SLC25A13: variants seen among roughly 807,000 people sequenced by gnomAD.
SLC25A13 encodes solute carrier family 25 member 13.
A neutral mutation model predicts 85.5 loss-of-function variants in SLC25A13; 70 were observed. The observed-to-expected ratio is 0.82, with a 90% CI of 0.68 to 1.00. The LOEUF (loss-of-function observed/expected upper bound fraction) is 1.00, where lower values mean the gene tolerates loss of function less well. SLC25A13 is among the 50% of genes least tolerant of loss of function. The pLI is 0.00. For missense variants in SLC25A13, 765 were observed against 819.8 expected (o/e 0.93, Z 0.82); for synonymous variants, 259 against 288.7 (o/e 0.90, Z 1.04).
At chr7:96,299,961 T>G (rs913003026) in intron 1 of SLC25A13, among the ~76,000 whole-genome samples, 20 of 152,316 alleles carry the variant, frequency 1.3e-4, no homozygotes, top group African/African-American at 3.6e-4. Context: ...ACAGGGCAGC[T>G]CCACTATAAT....
At chr7:96,282,982 T>C (rs1798744910) in intron 2 of SLC25A13, among the ~76,000 whole-genome samples, 2 of 152,208 alleles carry the variant, frequency 1.3e-5, no homozygotes, top group African/African-American at 4.8e-5. Context: ...GTTGATATAA[T>C]GTAGGAAATG....
At chr7:96,223,660 C>T (rs1312664589) in intron 4 of SLC25A13, among the ~76,000 whole-genome samples, 1 of 151,930 alleles carries the variant, frequency 6.6e-6, no homozygotes. Context: ...TGGCGATGTG[C>T]GCCTGTAGTC....
intron 3 of SLC25A13, among the ~76,000 whole-genome samples, chr7:96,250,028 T>A (rs1584511836): frequency 6.6e-6 from 1 of 151,814 alleles, no homozygotes; most frequent in Non-Finnish European, 1.5e-5. Flanking sequence ...ACCAAAAATA[T>A]AAAAATTAGC....
At chr7:96,201,355 C>CA (rs1293071397) in intron 5 of SLC25A13, among the ~76,000 whole-genome samples, 3 of 151,584 alleles carry the variant, frequency 2.0e-5, no homozygotes, top group Non-Finnish European at 4.4e-5. Flanking sequence ...ACTAAAAATA[C>CA]AAAAAATTAG....
In SLC25A13 at chr7:96,144,392, G is replaced by A. The variant is rs943793074; in HGVS notation, c.1452+2164C>T. On this transcript the variant is annotated intron_variant, in intron 14 of 17. Transcript: ENST00000265631. Reference sequence around the variant, plus strand: ...ACCAACAGGAAGATAGAGATTACTAGGTCACTTTCTTGCAACAAAATCAAG... The same window carrying A: ...ACCAACAGGAAGATAGAGATTACTAAGTCACTTTCTTGCAACAAAATCAAG... Among the ~76,000 whole-genome samples, 6 of 152,132 alleles carry A rather than the reference G, an allele frequency of 3.9e-5. No homozygotes were observed. The South Asian group carries it at 8.3e-4, about 21-fold the overall frequency.
At position 96,121,234 on chromosome 7, in the gene SLC25A13, T is replaced by C. The variant is rs1791488154; in HGVS notation, c.1985A>G (p.Lys662Arg). The C allele has an allele frequency of 6.2e-7, 1 of 1,614,040 alleles. No homozygotes were observed. The highest frequency in any genetic ancestry group is 1.3e-5 in the African/African-American group (1 of 74,914). ...NKFGLYLPLF[K>R]PSVSTSKAIG... ...AGCCTTTGAGGTAGATACTGATGGC[T>C]TGAAGAGAGGTAGGTAAAGTCCAAA... The change falls in exon 18 of 18, where the codon AAG (lysine) becomes AGG (arginine). Residue 662 changes from lysine (K) to arginine (R), a missense_variant. Transcript: ENST00000265631.
chr7:96,244,476 A>C (rs1797110141), intron 3 of SLC25A13, among the ~76,000 whole-genome samples: 1 of 152,236 alleles, frequency 6.6e-6, no homozygotes. Flanking sequence ...CATCAGGAAT[A>C]AGGTGGACAG....
chr7:96,244,751 C>T (rs939939289), intron 3 of SLC25A13, among the ~76,000 whole-genome samples: 2 of 152,178 alleles, frequency 1.3e-5, no homozygotes, highest in African/African-American at 4.8e-5. Context: ...TGGTTCAAAT[C>T]TCGCTGCAGT....
chr7:96,293,374 G>C (rs1799204474), intron 2 of SLC25A13, among the ~76,000 whole-genome samples: 1 of 152,152 alleles, frequency 6.6e-6, no homozygotes. Flanking sequence ...CATGGGCAAG[G>C]ACCTCATGTC....
At chr7:96,227,105 G>A (rs973014351) in intron 4 of SLC25A13, among the ~76,000 whole-genome samples, 39 of 152,236 alleles carry the variant, frequency 2.6e-4, no homozygotes, top group African/African-American at 8.4e-4. Flanking sequence ...TTCAGCTCAC[G>A]TTTCTACTAC....
chr7:96,259,472 G>A (rs1797762680), intron 3 of SLC25A13, among the ~76,000 whole-genome samples: 1 of 152,138 alleles, frequency 6.6e-6, no homozygotes, highest in South Asian at 2.1e-4. Context: ...ATCATCACTG[G>A]TCATTAGAGA....
rs189894178 is a variant in SLC25A13, at chr7:96,284,681, C to T, written c.70-7343G>A. ...GGTGGAGATAACTGAATCATGGGTG[C>T]GGTCTCCCCATAAGTTTCAGAAGAT... On this transcript the variant is annotated intron_variant, in intron 2 of 17. Coordinates refer to ENST00000265631, the MANE Select transcript of SLC25A13 (RefSeq NM_014251.3). Among the ~76,000 whole-genome samples, 11 of 152,240 alleles carry T rather than the reference C, an allele frequency of 7.2e-5. No homozygotes were observed. In the East Asian group the frequency reaches 1.9e-3, roughly 27 times the overall value.
intron 14 of SLC25A13, among the ~76,000 whole-genome samples, chr7:96,135,469 C>T (rs529297272): frequency 4.2e-4 from 64 of 152,318 alleles, no homozygotes; most frequent in Admixed American, 1.6e-3. Flanking sequence ...TAGGCAATAC[C>T]TGACCTGTTG....
intron 3 of SLC25A13, among the ~76,000 whole-genome samples, chr7:96,275,870 A>G (rs1286049567): frequency 1.3e-5 from 2 of 152,180 alleles, no homozygotes; most frequent in Non-Finnish European, 2.9e-5. Flanking sequence ...CATGTACCCT[A>G]AAACTTAAAG....
At chr7:96,231,196 G>A (rs201935402) in intron 4 of SLC25A13, among the ~76,000 whole-genome samples, 1 of 152,112 alleles carries the variant, frequency 6.6e-6, no homozygotes, top group East Asian at 1.9e-4. Flanking sequence ...AGTGGAATGG[G>A]CAAAGATTTC....
intron 2 of SLC25A13, among the ~76,000 whole-genome samples, chr7:96,278,269 T>C (rs1483970711): frequency 6.6e-6 from 1 of 152,070 alleles, no homozygotes; most frequent in African/African-American, 2.4e-5. Context: ...GGATAGTGCA[T>C]CTACAAGAAC....
Position 96,132,679 on chromosome 7 carries a change from A to G in SLC25A13, c.1453-798T>C, listed in dbSNP as rs138214065. ...ATATATTGTGTTTTGGGTAGGGTGA[A>G]TAGGAAGGAAATCATCACTTTTCAA... On this transcript the variant is annotated intron_variant, in intron 14 of 17. Transcript: ENST00000265631. Among the ~76,000 whole-genome samples, 320 of 152,360 alleles carry G rather than the reference A, an allele frequency of 2.1e-3. 2 individuals carry two copies. Among genetic ancestry groups the G allele is most frequent in the Middle Eastern group, 6.8e-3 (2 of 294 alleles).
At chr7:96,317,373 G>C (rs959873308) in intron 1 of SLC25A13, among the ~76,000 whole-genome samples, 1 of 152,034 alleles carries the variant, frequency 6.6e-6, no homozygotes, top group African/African-American at 2.4e-5. Flanking sequence ...GGCATTAAAT[G>C]AATCAACAAC....
At chr7:96,274,891 A>G (rs1026951527) in intron 3 of SLC25A13, among the ~76,000 whole-genome samples, 6 of 152,286 alleles carry the variant, frequency 3.9e-5, no homozygotes, top group African/African-American at 1.4e-4. Context: ...TACCAGTACC[A>G]TGCTGTTTTG....
Sources: gnomAD v4.1 joint callset for allele counts (sites outside exome capture counted in the v4.1 genomes callset) on GRCh38, gnomAD v4.1.1 for gene constraint, MANE v1.5 for transcripts, NCBI Gene and HGNC (gene_info 2026-07-23, HGNC 2026-07-21) for gene names.